Variants in CDH10 observed in about 807,000 individuals in gnomAD.
CDH10 encodes the protein cadherin-10.
CDH10 carries 30 observed loss-of-function variants against 73.1 expected under a neutral mutation model. The ratio of observed to expected loss-of-function variants is 0.41; its 90% CI spans 0.31 to 0.56. The LOEUF is 0.56. Ranked by LOEUF, CDH10 falls within the 20% of genes least tolerant of loss-of-function variation. CDH10 has a pLI of 0.27. For missense variants in CDH10, 815 were observed against 973.7 expected, an observed-to-expected ratio of 0.84 and a Z score of 2.17; for synonymous variants, 345 against 348.2, an observed-to-expected ratio of 0.99 and a Z score of 0.10.
At chr5:24,562,551 A>C (rs1744997421) in intron 2 of CDH10, among the ~76,000 whole-genome samples, 1 of 152,202 alleles carries the variant, frequency 6.6e-6, no homozygotes, top group African/African-American at 2.4e-5. Context: ...AAAAAAATCT[A>C]CAAGACTATT....
intron 5 of CDH10, among the ~76,000 whole-genome samples, chr5:24,519,666 AT>A (rs1226222016): frequency 6.6e-6 from 1 of 152,226 alleles, no homozygotes; most frequent in Non-Finnish European, 1.5e-5. Flanking sequence ...TTTTATACTT[AT>A]GAAATTAATA....
At chr5:24,607,787 C>G (rs2112135364) in intron 1 of CDH10, among the ~76,000 whole-genome samples, 1 of 152,190 alleles carries the variant, frequency 6.6e-6, no homozygotes, top group African/African-American at 2.4e-5. Context: ...GAGGAAAAAG[C>G]AAATATGTAC....
chr5:24,511,182 G>T, intron 6 of CDH10, 145 bp downstream of exon 6: 1 of 514,922 alleles, frequency 1.9e-6, no homozygotes, highest in Non-Finnish European at 3.3e-6. Context: ...TTGGCTTTAT[G>T]TCTTTCTTAT....
intron 1 of CDH10, among the ~76,000 whole-genome samples, chr5:24,636,613 A>G (rs995463378): frequency 6.6e-6 from 1 of 151,938 alleles, no homozygotes; most frequent in Non-Finnish European, 1.5e-5. Context: ...CCAAACTCCC[A>G]TAACACACAA....
At chr5:24,607,419 G>A (rs1305601553) in intron 1 of CDH10, among the ~76,000 whole-genome samples, 1 of 152,132 alleles carries the variant, frequency 6.6e-6, no homozygotes, top group African/African-American at 2.4e-5. Context: ...ACTTAACAGA[G>A]TCGCATTATT....
At chr5:24,586,466 T>C (rs1214668603) in intron 2 of CDH10, among the ~76,000 whole-genome samples, 4 of 99,472 alleles carry the variant, frequency 4.0e-5, no homozygotes, top group Non-Finnish European at 8.2e-5. Flanking sequence ...TGAGACGGAG[T>C]TTAGCTCTTT....
At chr5:24,596,368 G>A (rs1472687595) in intron 1 of CDH10, among the ~76,000 whole-genome samples, 43 of 151,098 alleles carry the variant, frequency 2.8e-4, no homozygotes, top group Admixed American at 2.8e-3. Context: ...GCTCTCAGCT[G>A]TCTTTTTTTT....
At chr5:24,546,563 A>G (rs1383249355) in intron 2 of CDH10, among the ~76,000 whole-genome samples, 1 of 152,152 alleles carries the variant, frequency 6.6e-6, no homozygotes, top group Non-Finnish European at 1.5e-5. Flanking sequence ...ATGTGTGTGT[A>G]TATGTATATA....
At chr5:24,552,210 A>G (rs1298449501) in intron 2 of CDH10, among the ~76,000 whole-genome samples, 3 of 152,028 alleles carry the variant, frequency 2.0e-5, no homozygotes, top group African/African-American at 7.2e-5. Context: ...GACTTTTGCC[A>G]TATGAATTTG....
intron 5 of CDH10, among the ~76,000 whole-genome samples, chr5:24,513,111 C>T (rs1381640669): frequency 1.3e-5 from 2 of 151,462 alleles, no homozygotes; most frequent in African/African-American, 4.9e-5. Context: ...CCTTACCTCC[C>T]GGGTTCAAGT....
intron 1 of CDH10, among the ~76,000 whole-genome samples, chr5:24,611,392 G>T (rs1179977829): frequency 6.6e-6 from 1 of 151,836 alleles, no homozygotes; most frequent in Non-Finnish European, 1.5e-5. Context: ...GACCAGCCTG[G>T]ACAACACAGG....
chr5:24,553,743 C>T (rs1399785000), intron 2 of CDH10, among the ~76,000 whole-genome samples: 1 of 152,108 alleles, frequency 6.6e-6, no homozygotes, highest in African/African-American at 2.4e-5. Context: ...CTATACCCCT[C>T]CTATTGAATC....
rs535849172 is a variant in CDH10 at position 24,591,221 on chromosome 5, AT to A, written c.231+2038del. Among the ~76,000 whole-genome samples, 7 of 152,154 alleles carry A rather than the reference AT, an allele frequency of 4.6e-5. No individual in the cohort carries two copies. In the South Asian group the frequency reaches 1.5e-3, roughly 32 times the overall value. ...TACAAATAATAAGGCAATTAATACA[AT>A]AGTATAGTATAGACAAAAAATGTTA... On this transcript the variant is annotated intron_variant, in intron 2 of 11. Coordinates refer to ENST00000264463, the MANE Select transcript of CDH10 (RefSeq NM_006727.5).
chr5:24,588,524 T>G (rs909754660), intron 2 of CDH10, among the ~76,000 whole-genome samples: 1 of 152,190 alleles, frequency 6.6e-6, no homozygotes, highest in Non-Finnish European at 1.5e-5. Context: ...GATTTTCCAC[T>G]TGTGCACTTG....
chr5:24,606,917 T>TA (rs1746782553), intron 1 of CDH10, among the ~76,000 whole-genome samples: 1 of 152,316 alleles, frequency 6.6e-6, no homozygotes, highest in African/African-American at 2.4e-5. Flanking sequence ...AAAGATGCCC[T>TA]AAATTGAATG....
chr5:24,639,508 G>T (rs1160075330), intron 1 of CDH10, among the ~76,000 whole-genome samples: 2 of 151,470 alleles, frequency 1.3e-5, no homozygotes, highest in East Asian at 3.9e-4. Context: ...TATAACTCAA[G>T]GTAGAATATT....
At chr5:24,526,534 T>C (rs1743539647) in intron 5 of CDH10, among the ~76,000 whole-genome samples, 1 of 151,846 alleles carries the variant, frequency 6.6e-6, no homozygotes, top group Non-Finnish European at 1.5e-5. Flanking sequence ...CAAGTCCAGT[T>C]GAAATCCCTG....
intron 2 of CDH10, among the ~76,000 whole-genome samples, chr5:24,564,443 A>G (rs773938810): frequency 2.0e-5 from 3 of 152,096 alleles, no homozygotes; most frequent in Non-Finnish European, 4.4e-5. Context: ...CAAAGGAATC[A>G]CTTCTATAAT....
intron 1 of CDH10, among the ~76,000 whole-genome samples, chr5:24,641,146 A>G (rs1259707512): frequency 6.6e-6 from 1 of 152,022 alleles, no homozygotes; most frequent in Non-Finnish European, 1.5e-5. Flanking sequence ...TATACGCTTT[A>G]GGTGCCCTTC....
Sources: gnomAD v4.1 joint callset for allele counts (sites outside exome capture counted in the v4.1 genomes callset) on GRCh38, gnomAD v4.1.1 for gene constraint, MANE v1.5 for transcripts, NCBI Gene and HGNC (gene_info 2026-07-23, HGNC 2026-07-21) for gene names.